The following SEC23IP variants were observed in gnomAD, a reference collection of about 807,000 sequenced individuals.
The protein encoded by SEC23IP is SEC23-interacting protein.
A neutral mutation model predicts 113.4 loss-of-function variants in SEC23IP; 70 were observed. That is an observed-to-expected ratio of 0.62 (90% CI 0.51 to 0.75). The LOEUF is 0.75. Ranked by LOEUF, SEC23IP falls within the 30% of genes least tolerant of loss-of-function variation. SEC23IP has a pLI of 0.00. For missense variants in SEC23IP, 1,160 were observed against 1,204.9 expected (o/e 0.96, Z 0.55); for synonymous variants, 398 against 421.0 (o/e 0.95, Z 0.67).
intron 2 of SEC23IP, among the ~76,000 whole-genome samples, chr10:119,900,466 T>C (rs1263151091): frequency 1.3e-5 from 2 of 151,966 alleles, no homozygotes; most frequent in African/African-American, 4.8e-5. Flanking sequence ...CATGCTGCCA[T>C]ACCTGGCTAA....
intron 4 of SEC23IP, among the ~76,000 whole-genome samples, chr10:119,905,174 G>A (rs1374645697): frequency 6.6e-6 from 1 of 151,654 alleles, no homozygotes. Flanking sequence ...GTGCATATAT[G>A]TGTGTGTGTA....
chr10:119,944,450 A>C lies in SEC23IP; in HGVS notation c.*3885A>C, dbSNP rs1856030981. The C allele has an allele frequency of 6.6e-6, 1 of 152,278 alleles. No individual in the cohort carries two copies. The highest frequency in any genetic ancestry group is 1.5e-5 in the Non-Finnish European group (1 of 68,100). 9.4% of individuals were successfully genotyped at this position (152,278 alleles called of 1,614,324 possible). ...TAGCAGTGTGAAAATGGACTAATAC[A>C]GTCAGGGACCTAAAAGACAGGTAAA... On this transcript the variant is annotated 3_prime_UTR_variant, in exon 19 of 19. Transcript: ENST00000369075.
At chr10:119,906,199 T>C (rs1564909124) in intron 4 of SEC23IP, among the ~76,000 whole-genome samples, 1 of 151,512 alleles carries the variant, frequency 6.6e-6, no homozygotes, top group Non-Finnish European at 1.5e-5. Flanking sequence ...GTAGGATTGC[T>C]TGAGCCTGGG....
At chr10:119,907,782 C>A (rs1393933362) in intron 4 of SEC23IP, among the ~76,000 whole-genome samples, 1 of 152,114 alleles carries the variant, frequency 6.6e-6, no homozygotes, top group African/African-American at 2.4e-5. Flanking sequence ...GATACCTTGT[C>A]TCTACTAAAA....
chr10:119,936,659 C>G (rs999583650), intron 18 of SEC23IP, among the ~76,000 whole-genome samples: 1 of 151,418 alleles, frequency 6.6e-6, no homozygotes, highest in Non-Finnish European at 1.5e-5. Flanking sequence ...TATGCTTGCA[C>G]TCTTGGAAAC....
At chr10:119,926,009 A>T in intron 12 of SEC23IP, 27 bp from the exon 13 acceptor site, 1 of 1,581,990 alleles carries the variant, frequency 6.3e-7, no homozygotes, top group Non-Finnish European at 8.6e-7. Context: ...TCTCATGATT[A>T]TGTTACTAAA....
rs1470082691 is a variant in SEC23IP, at chr10:119,919,441, A to G, written c.1873-3A>G. 2 of 1,579,144 alleles carry G rather than the reference A, an allele frequency of 1.3e-6. No homozygotes were observed. Among genetic ancestry groups the G allele is most frequent in the Non-Finnish European group, 1.7e-6 (2 of 1,169,718 alleles). ...AATGTTTTTCATACTTTTTTTTTTAAAGATGCCTGAAGAGCCAAAGCTGAC... is the reference window on the plus strand; with the variant it reads ...AATGTTTTTCATACTTTTTTTTTTAGAGATGCCTGAAGAGCCAAAGCTGAC... On this transcript the variant is annotated splice_polypyrimidine_tract_variant and splice_region_variant and intron_variant, in intron 10 of 18. Transcript: ENST00000369075.
chr10:119,910,384 A>C (rs1187703530), intron 5 of SEC23IP, among the ~76,000 whole-genome samples: 1 of 152,150 alleles, frequency 6.6e-6, no homozygotes, highest in African/African-American at 2.4e-5. Flanking sequence ...TGCAATAATG[A>C]TCTCCCAGGG....
At chr10:119,900,719 C>G (rs990639006) in intron 2 of SEC23IP, among the ~76,000 whole-genome samples, 1 of 152,076 alleles carries the variant, frequency 6.6e-6, no homozygotes, top group Non-Finnish European at 1.5e-5. Flanking sequence ...CTCAGCCTAC[C>G]AAAGTGCTGG....
chr10:119,921,973 G>C (rs1005722844), intron 12 of SEC23IP, among the ~76,000 whole-genome samples: 2 of 71,644 alleles, frequency 2.8e-5, no homozygotes, highest in Non-Finnish European at 5.3e-5. Flanking sequence ...AAGGAATTGA[G>C]TCTTCTCAGC....
At position 119,927,319 on chromosome 10, in the gene SEC23IP, A is replaced by G. The variant is rs1448523013; in HGVS notation, c.2313+1092A>G. 2.6e-5 allele frequency among the ~76,000 whole-genome samples: 4 copies of G among 152,250 alleles called. 1 individual carries two copies. The highest frequency in any genetic ancestry group is 9.6e-5 in the African/African-American group (4 of 41,464). On this transcript the variant is annotated intron_variant, in intron 13 of 18. Coordinates refer to ENST00000369075, the MANE Select transcript of SEC23IP (RefSeq NM_007190.4). ...ATTAGTTTCTTAAGGCTGCCATAAC[A>G]AAGTTCCACAACCTGGGTGGCCTTG...
intron 18 of SEC23IP, among the ~76,000 whole-genome samples, chr10:119,938,809 A>G (rs1043997481): frequency 9.9e-5 from 15 of 152,208 alleles, no homozygotes; most frequent in Non-Finnish European, 1.3e-4. Context: ...TTCGTTCACT[A>G]TAATTGTTTT....
chr10:119,903,798 A>G (rs1016948529), intron 3 of SEC23IP, among the ~76,000 whole-genome samples: 1 of 152,198 alleles, frequency 6.6e-6, no homozygotes, highest in Non-Finnish European at 1.5e-5. Context: ...ATCTGGACTC[A>G]CTGCAACCTC....
intron 18 of SEC23IP, among the ~76,000 whole-genome samples, chr10:119,934,623 T>G (rs1854395437): frequency 6.6e-6 from 1 of 152,226 alleles, no homozygotes; most frequent in African/African-American, 2.4e-5. Flanking sequence ...TTTTAAAGGC[T>G]TTGAAAGAAT....
At position 119,944,352 on chromosome 10, in the gene SEC23IP, C is replaced by G. The variant is rs1410358970; in HGVS notation, c.*3787C>G. The stretch of plus-strand genomic sequence containing the variant: ...TGATTGTAAGTTTCCTGAGGTCTCC[C>G]CAACCATGCAGAACTGTGAGTCACT... On this transcript the variant is annotated 3_prime_UTR_variant, in exon 19 of 19. Transcript: ENST00000369075. The G allele has an allele frequency of 6.6e-6, 1 of 152,176 alleles. No individual in the cohort carries two copies. The highest frequency in any genetic ancestry group is 1.9e-4 in the East Asian group (1 of 5,194). 9.4% of individuals were successfully genotyped at this position (152,176 alleles called of 1,614,324 possible).
At chr10:119,921,466 C>A (rs1855248155) in intron 12 of SEC23IP, among the ~76,000 whole-genome samples, 1 of 152,146 alleles carries the variant, frequency 6.6e-6, no homozygotes, top group Non-Finnish European at 1.5e-5. Flanking sequence ...TTTTTCTGAT[C>A]CTTTGTTTTC....
At chr10:119,923,013 A>C (rs199828222) in intron 12 of SEC23IP, among the ~76,000 whole-genome samples, 1 of 135,490 alleles carries the variant, frequency 7.4e-6, no homozygotes, top group South Asian at 3.9e-4. Context: ...AAAAAAAAAA[A>C]CAAAAAAAAC....
chr10:119,922,973 C>T lies in SEC23IP; in HGVS notation c.2121+1989C>T, dbSNP rs182565485. On this transcript the variant is annotated intron_variant, in intron 12 of 18. Transcript: ENST00000369075. ...CTCCATACAGAAAAATGCTTGTCTC[C>T]GTGTATACATCAGTGAAGCAAAAGC... is the stretch of plus-strand genomic sequence containing the variant. Among the ~76,000 whole-genome samples the T allele has an allele frequency of 6.1e-5, 9 of 147,872 alleles. No homozygotes were observed. The East Asian group carries it at 1.8e-3, about 30-fold the overall frequency.
At chr10:119,917,622 A>C (rs1855095873) in intron 8 of SEC23IP, among the ~76,000 whole-genome samples, 1 of 151,930 alleles carries the variant, frequency 6.6e-6, no homozygotes, top group Admixed American at 6.6e-5. Context: ...CAAGTGATCC[A>C]CCCACTTCAG....
Sources: allele counts gnomAD v4.1 joint callset (sites outside exome capture counted in the v4.1 genomes callset), GRCh38; gene constraint gnomAD v4.1.1; transcripts MANE v1.5; gene names NCBI Gene and HGNC (gene_info 2026-07-23, HGNC 2026-07-21).